LIPJ: variants seen among roughly 807,000 people sequenced by gnomAD.
LIPJ encodes the protein lipase member J.
Under a neutral mutation model 39.8 loss-of-function variants are expected in LIPJ, and 33 were observed. That is an observed-to-expected ratio of 0.83 (90% CI 0.63 to 1.11). LIPJ has a LOEUF of 1.11. LIPJ is among the 50% of genes least tolerant of loss of function. The pLI is 0.00. For missense variants in LIPJ, 422 were observed against 427.9 expected, an observed-to-expected ratio of 0.99 and a Z score of 0.12; for synonymous variants, 128 against 139.2, an observed-to-expected ratio of 0.92 and a Z score of 0.57.
the LIPJ span, among the ~76,000 whole-genome samples, chr10:88,613,743 G>GATATAT: frequency 2.1e-5 from 2 of 93,816 alleles, no homozygotes; most frequent in Non-Finnish European, 4.3e-5. Context: ...AAGGCATCCT[G>GATATAT]ATATATATAT....
At chr10:88,609,241 T>C (rs1325541238), downstream of LIPJ, among the ~76,000 whole-genome samples, 1 of 152,238 alleles carries the variant, frequency 6.6e-6, no homozygotes, top group Non-Finnish European at 1.5e-5. Flanking sequence ...TTATGAATGC[T>C]GCTAGGGAAG....
At chr10:88,599,001 AT>A (rs1396721515) in intron 8 of LIPJ, among the ~76,000 whole-genome samples, 7 of 144,692 alleles carry the variant, frequency 4.8e-5, no homozygotes, top group South Asian at 2.5e-4. Context: ...ATATTATATT[AT>A]ATTATAATAA....
At chr10:88,607,582 A>G (rs1386691035), downstream of LIPJ, among the ~76,000 whole-genome samples, 1 of 152,198 alleles carries the variant, frequency 6.6e-6, no homozygotes, top group African/African-American at 2.4e-5. Context: ...ATAAAACATT[A>G]TGCACTGTCG....
the LIPJ span, among the ~76,000 whole-genome samples, chr10:88,612,137 T>C: frequency 6.6e-6 from 1 of 152,140 alleles, no homozygotes; most frequent in African/African-American, 2.4e-5. Flanking sequence ...AAAACAATTA[T>C]CACCTAAGAA....
exon 5 of LIPJ, chr10:88,594,142 C>T (rs774086819): frequency 5.0e-6 from 8 of 1,604,958 alleles, no homozygotes; most frequent in Non-Finnish European, 6.8e-6. Flanking sequence ...TCTGGGCTTT[C>T]AGGTACAAAT....
At chr10:88,593,499 T>C (rs949185142) in intron 4 of LIPJ, 2 of 152,360 alleles carry the variant, frequency 1.3e-5, no homozygotes, top group African/African-American at 4.8e-5. Flanking sequence ...TTACTGAGCA[T>C]TCAAGGGCTT....
At chr10:88,613,798 A>G in the LIPJ span, among the ~76,000 whole-genome samples, 4,158 of 51,948 alleles carry the variant, frequency 0.08, 275 homozygotes, top group African/African-American at 0.23. Flanking sequence ...ATATATATAT[A>G]TATGTGTGTG....
chr10:88,594,541 C>T (rs563510339), intron 5 of LIPJ, 126 bp from the exon 6 acceptor site: 56 of 489,804 alleles, frequency 1.1e-4, no homozygotes, highest in African/African-American at 8.6e-4. Flanking sequence ...TATATTATAC[C>T]GTATAACTTC....
At chr10:88,593,997 G>C (rs1260991720) in exon 5 of LIPJ, 2 of 1,612,208 alleles carry the variant, frequency 1.2e-6, no homozygotes, top group Non-Finnish European at 1.7e-6. Flanking sequence ...TCTGCCAGCA[G>C]CTGGATTTCC....
chr10:88,615,627 C>CAA, the LIPJ span, among the ~76,000 whole-genome samples: 56 of 24,038 alleles, frequency 2.3e-3, no homozygotes, highest in East Asian at 6.1e-3. Flanking sequence ...GACTCCACCT[C>CAA]AAAAAAAAAA....
upstream of LIPJ, chr10:88,583,122 C>CTG: frequency 6.2e-7 from 1 of 1,614,160 alleles, no homozygotes; most frequent in Non-Finnish European, 8.5e-7. Context: ...GACCGGACGT[C>CTG]TGCCTCCTCA....
the LIPJ span, among the ~76,000 whole-genome samples, chr10:88,622,646 A>T: frequency 1.3e-5 from 2 of 152,204 alleles, no homozygotes; most frequent in African/African-American, 2.4e-5. Flanking sequence ...GAGGATGCTA[A>T]GTGGCCAGTG....
intron 2 of LIPJ, among the ~76,000 whole-genome samples, chr10:88,590,168 TC>T (rs1358190495): frequency 2.0e-5 from 3 of 151,588 alleles, no homozygotes; most frequent in Non-Finnish European, 4.4e-5. Context: ...CTTCCAAATC[TC>T]CCCGTTCTTT....
At chr10:88,622,273 C>T in the LIPJ span, among the ~76,000 whole-genome samples, 2 of 152,142 alleles carry the variant, frequency 1.3e-5, no homozygotes, top group African/African-American at 4.8e-5. Flanking sequence ...TAGCTTCTTC[C>T]CCTTCTTTAT....
At chr10:88,610,641 C>T (rs192165637), downstream of LIPJ, among the ~76,000 whole-genome samples, 1 of 151,918 alleles carries the variant, frequency 6.6e-6, no homozygotes, top group African/African-American at 2.4e-5. Flanking sequence ...CAAGACTTAC[C>T]ACAAACCTGC....
In LIPJ at chr10:88,605,829, GATA is replaced by G. The variant is rs1851648114; in HGVS notation, c.867+128_867+130del. ...CACTGATTAAGGACCAGCAGATGAA[GATA>G]ATGTTTATTTGGATACGTATTGTCA... On this transcript the variant is annotated intron_variant, in intron 10 of 10. Transcript: ENST00000371939. 4 of 636,742 alleles carry G rather than the reference GATA, an allele frequency of 6.3e-6. No individual in the cohort carries two copies. The South Asian group carries it at 7.8e-5, about 12-fold the overall frequency. The allele number at this position is 636,742 out of a possible 1,614,324, so 39.4% of individuals were successfully genotyped here.
At chr10:88,614,921 A>G in the LIPJ span, among the ~76,000 whole-genome samples, 34 of 152,180 alleles carry the variant, frequency 2.2e-4, no homozygotes, top group Non-Finnish European at 4.0e-4. Flanking sequence ...ATAAAATGAC[A>G]GTGCCATATG....
intron 9 of LIPJ, among the ~76,000 whole-genome samples, chr10:88,603,223 G>A (rs76892427): frequency 6.6e-6 from 1 of 152,222 alleles, no homozygotes; most frequent in Admixed American, 6.5e-5. Flanking sequence ...GGATTATTTA[G>A]GCCATGTCCC....
chr10:88,602,580 G>A lies in LIPJ; in HGVS notation c.728G>A (p.Arg243His), dbSNP rs369591388. The A allele has an allele frequency of 1.8e-5, 27 of 1,504,432 alleles. No homozygotes were observed. Among genetic ancestry groups the A allele is most frequent in the Middle Eastern group, 2.0e-4 (1 of 5,016 alleles). 93.2% of individuals were successfully genotyped at this position (1,504,432 alleles called of 1,614,324 possible). A position where few individuals can be genotyped will look rare whatever the true frequency, so the allele number is the denominator to read the frequency against. ...TTTTTTTTTTTTACCCCTCAGAGTC[G>A]TTTGGATGTGTATTTTTCACACAAC... Residue 243 changes from arginine (R) to histidine (H), a missense_variant, in exon 9 of 11, where the codon CGT becomes CAT. Coordinates refer to ENST00000371939, the Ensembl canonical transcript of LIPJ.
Sources: gnomAD v4.1 joint callset for allele counts (sites outside exome capture counted in the v4.1 genomes callset) on GRCh38, gnomAD v4.1.1 for gene constraint, MANE v1.5 for transcripts, NCBI Gene and HGNC (gene_info 2026-07-23, HGNC 2026-07-21) for gene names.